CDH4: variants seen among roughly 807,000 people sequenced by gnomAD.
CDH4 encodes the protein cadherin-4.
In CDH4, 33 loss-of-function variants were observed where a neutral mutation model predicts 86.0. The observed-to-expected ratio is 0.38, with a 90% CI of 0.29 to 0.51. The LOEUF (loss-of-function observed/expected upper bound fraction) is 0.51, where lower values mean the gene tolerates loss of function less well. CDH4 is among the 20% of genes least tolerant of loss of function. The pLI, the probability that CDH4 is intolerant of heterozygous loss-of-function variation, is 0.86. For missense variants in CDH4, 1,114 were observed against 1,307.4 expected, an observed-to-expected ratio of 0.85 and a Z score of 2.28; for synonymous variants, 555 against 549.4, an observed-to-expected ratio of 1.01 and a Z score of -0.14.
At chr20:61,796,975 C>T (rs1979562060) in intron 4 of CDH4, among the ~76,000 whole-genome samples, 1 of 152,106 alleles carries the variant, frequency 6.6e-6, no homozygotes, top group Admixed American at 6.5e-5. Context: ...CGCCATACAG[C>T]GCCAGCTGTG....
intron 2 of CDH4, among the ~76,000 whole-genome samples, chr20:61,552,686 T>C (rs942539985): frequency 6.6e-6 from 1 of 151,514 alleles, no homozygotes; most frequent in Admixed American, 6.6e-5. Context: ...TGTGACAGAG[T>C]GAGACTCCAT....
chr20:61,832,114 T>G (rs141591401), intron 4 of CDH4, among the ~76,000 whole-genome samples: 2 of 152,340 alleles, frequency 1.3e-5, no homozygotes, highest in Non-Finnish European at 2.9e-5. Flanking sequence ...GCTTCAAGGC[T>G]GGGGTAAGAG....
At chr20:61,888,280 C>T (rs1984636606) in intron 7 of CDH4, among the ~76,000 whole-genome samples, 1 of 152,204 alleles carries the variant, frequency 6.6e-6, no homozygotes, top group East Asian at 1.9e-4. Context: ...TTTGGGTTCT[C>T]ATTGGCAAGC....
At chr20:61,486,538 C>T (rs185820434) in intron 2 of CDH4, among the ~76,000 whole-genome samples, 24 of 152,344 alleles carry the variant, frequency 1.6e-4, no homozygotes, top group African/African-American at 5.1e-4. Flanking sequence ...GGATTTTAAC[C>T]ATCGTTGGAA....
chr20:61,518,422 CATCT>C lies in CDH4; in HGVS notation c.170-225140_170-225137del, dbSNP rs1030301024. ...TGTTATGATGAGGCTGTCCATCATCCATCTGTCATCCACTCATCATCCATCATCC... is the reference window on the plus strand; with the variant it reads ...TGTTATGATGAGGCTGTCCATCATCCGTCATCCACTCATCATCCATCATCC... On this transcript the variant is annotated intron_variant, in intron 2 of 15. Transcript: ENST00000614565. This position sits in a 1 kb window ranked among gnomAD's most constrained non-coding sequence, Gnocchi z 6.3. 6.6e-6 allele frequency among the ~76,000 whole-genome samples: 1 copy of C among 152,178 alleles called. No individual in the cohort carries two copies. Among genetic ancestry groups the C allele is most frequent in the East Asian group, 1.9e-4 (1 of 5,204 alleles).
chr20:61,532,350 G>C (rs1332333378), intron 2 of CDH4, among the ~76,000 whole-genome samples: 11 of 152,290 alleles, frequency 7.2e-5, no homozygotes, highest in Admixed American at 7.2e-4. Flanking sequence ...GGTCCCATGT[G>C]TGGGACCCTG....
intron 8 of CDH4, among the ~76,000 whole-genome samples, 169 bp from the exon 9 acceptor site, chr20:61,910,253 C>T (rs1440930218): frequency 4.0e-5 from 6 of 151,440 alleles, no homozygotes; most frequent in African/African-American, 7.3e-5. Context: ...TGTGAACACT[C>T]GTTGAGCTGG....
chr20:61,568,104 C>T (rs753273738), intron 2 of CDH4, among the ~76,000 whole-genome samples: 4 of 152,180 alleles, frequency 2.6e-5, no homozygotes, highest in Non-Finnish European at 4.4e-5. Flanking sequence ...GGTCTAGAGG[C>T]AGCCGTGGCA....
At chr20:61,488,512 A>T (rs1167355044) in intron 2 of CDH4, among the ~76,000 whole-genome samples, 4 of 152,208 alleles carry the variant, frequency 2.6e-5, no homozygotes, top group African/African-American at 9.6e-5. Flanking sequence ...TACTTGAGGT[A>T]GAATTTGTAC....
At chr20:61,341,524 CTT>C (rs561277730) in intron 2 of CDH4, among the ~76,000 whole-genome samples, 16 of 133,154 alleles carry the variant, frequency 1.2e-4, no homozygotes, top group Admixed American at 3.0e-4. Context: ...ACTTTTTTTT[CTT>C]TTTTTTTTTT....
At chr20:61,363,141 G>A (rs913957958) in intron 2 of CDH4, among the ~76,000 whole-genome samples, 2 of 152,182 alleles carry the variant, frequency 1.3e-5, no homozygotes, top group African/African-American at 4.8e-5. Context: ...CAGGACAGCT[G>A]CCGGCAGGTT....
intron 2 of CDH4, among the ~76,000 whole-genome samples, chr20:61,371,636 C>T (rs73134338): frequency 0.28 from 42,288 of 152,122 alleles, 6,226 homozygotes; most frequent in East Asian, 0.4. Flanking sequence ...CTGCGGGCCC[C>T]GAGCCCCTAC....
At chr20:61,492,992 T>G (rs1196263129) in intron 2 of CDH4, among the ~76,000 whole-genome samples, 1 of 152,210 alleles carries the variant, frequency 6.6e-6, no homozygotes, top group Non-Finnish European at 1.5e-5. Context: ...CCTGTCAGCC[T>G]GGGATGGTCA....
chr20:61,635,604 GCAGGGGCC>G (rs1163459747), intron 2 of CDH4, among the ~76,000 whole-genome samples: 2 of 152,210 alleles, frequency 1.3e-5, no homozygotes, highest in African/African-American at 4.8e-5. Flanking sequence ...CGAGGGGCGG[GCAGGGGCC>G]CAGGGGCCGG....
chr20:61,730,151 C>T (rs573873732), intron 2 of CDH4, among the ~76,000 whole-genome samples: 11 of 152,132 alleles, frequency 7.2e-5, no homozygotes, highest in South Asian at 6.3e-4. Context: ...TCAGTACCGA[C>T]GCGTTATTAG....
chr20:61,645,751 C>T (rs117144070), intron 2 of CDH4, among the ~76,000 whole-genome samples: 2 of 152,264 alleles, frequency 1.3e-5, no homozygotes, highest in East Asian at 3.9e-4. Flanking sequence ...CCACAGGGTG[C>T]TGTGGTTATC....
At chr20:61,293,493 C>T (rs899186091) in intron 2 of CDH4, among the ~76,000 whole-genome samples, 2 of 152,176 alleles carry the variant, frequency 1.3e-5, no homozygotes, top group African/African-American at 4.8e-5. Flanking sequence ...ACTCAACCAA[C>T]ACTTGTTGAG....
At chr20:61,649,794 A>G (rs940827243) in intron 2 of CDH4, among the ~76,000 whole-genome samples, 3 of 152,232 alleles carry the variant, frequency 2.0e-5, no homozygotes, top group Admixed American at 2.0e-4. Context: ...CTCCCAGGAC[A>G]GTCCCTTGGC....
chr20:61,630,059 G>A (rs1466845077), intron 2 of CDH4, among the ~76,000 whole-genome samples: 1 of 152,130 alleles, frequency 6.6e-6, no homozygotes, highest in East Asian at 1.9e-4. Context: ...AGGGAGCCTG[G>A]CAGAGGCAGC....
Sources: gnomAD v4.1 joint callset for allele counts (sites outside exome capture counted in the v4.1 genomes callset) on GRCh38, gnomAD v4.1.1 for gene constraint, Gnocchi (gnomAD v3.1) non-coding constraint, MANE v1.5 for transcripts, NCBI Gene and HGNC (gene_info 2026-07-23, HGNC 2026-07-21) for gene names.